The following RALYL variants were observed in gnomAD, a reference collection of about 807,000 sequenced individuals.
The protein encoded by RALYL is RALY RNA binding protein like, also known as RNA-binding Raly-like protein.
A neutral mutation model predicts 35.1 loss-of-function variants in RALYL; 29 were observed. The observed-to-expected ratio is 0.83, with a 90% CI of 0.61 to 1.13. The LOEUF (loss-of-function observed/expected upper bound fraction) is 1.13, where lower values mean the gene tolerates loss of function less well. Among genes scored for constraint, RALYL ranks in the 50% most tolerant of loss-of-function variants. The probability of loss-of-function intolerance (pLI) is 0.00; values close to 1 mark genes in which losing one functional copy is unlikely to be tolerated. For missense variants in RALYL, 359 were observed against 360.4 expected (o/e 1.00, Z 0.03); for synonymous variants, 120 against 127.6 (o/e 0.94, Z 0.40).
At chr8:84,817,624 C>A (rs572822699) in intron 4 of RALYL, among the ~76,000 whole-genome samples, 1 of 151,932 alleles carries the variant, frequency 6.6e-6, no homozygotes, top group East Asian at 1.9e-4. Context: ...GGTGCAATCA[C>A]AGTCACTGCA....
In RALYL at chr8:84,854,388, G is replaced by T. The variant is rs539429942; in HGVS notation, c.413+4361G>T. Among the ~76,000 whole-genome samples, 583 of 152,024 alleles carry T rather than the reference G, an allele frequency of 3.8e-3. 2 individuals carry two copies. Among genetic ancestry groups the T allele is most frequent in the Middle Eastern group, 6.8e-3 (2 of 294 alleles). On this transcript the variant is annotated intron_variant, in intron 5 of 8. Coordinates refer to ENST00000521268, the MANE Select transcript of RALYL (RefSeq NM_173848.7). ...AGGAAGAAAAAGAAAAAAAAATAAT[G>T]GTAGATGTATTTCTCATATTGACAT... is the stretch of plus-strand genomic sequence containing the variant.
intron 6 of RALYL, among the ~76,000 whole-genome samples, chr8:84,871,217 A>C (rs914213992): frequency 6.6e-6 from 1 of 152,202 alleles, no homozygotes; most frequent in Non-Finnish European, 1.5e-5. Flanking sequence ...GACTTAAATG[A>C]AACCTTGGCT....
In RALYL at chr8:84,257,472, C is replaced by T. The variant is rs553577606; in HGVS notation, c.-24+73048C>T. Among the ~76,000 whole-genome samples the T allele has an allele frequency of 1.6e-4, 24 of 152,146 alleles. No homozygotes were observed. In the South Asian group the frequency reaches 4.8e-3, roughly 30 times the overall value. On this transcript the variant is annotated intron_variant, in intron 1 of 8. Transcript: ENST00000521268. ...AAGACACTTTGACAAAATGAAGACC[C>T]ACTTAATTACTTAATGGGACTGCAA... is the stretch of plus-strand genomic sequence containing the variant.
At chr8:84,579,839 A>G (rs1810421333) in intron 2 of RALYL, among the ~76,000 whole-genome samples, 1 of 152,246 alleles carries the variant, frequency 6.6e-6, no homozygotes, top group Non-Finnish European at 1.5e-5. Flanking sequence ...GTGCTGTCAC[A>G]TAGATAAACA....
intron 1 of RALYL, among the ~76,000 whole-genome samples, chr8:84,425,151 C>A (rs554816726): frequency 3.9e-5 from 6 of 152,164 alleles, no homozygotes; most frequent in Admixed American, 1.3e-4. Flanking sequence ...CCCCCAGCCT[C>A]GCTGCTACCT....
intron 1 of RALYL, among the ~76,000 whole-genome samples, chr8:84,269,862 G>A (rs1833976911): frequency 6.6e-6 from 1 of 151,972 alleles, no homozygotes; most frequent in Non-Finnish European, 1.5e-5. Context: ...TAGAAGTTTA[G>A]TTGAAACTCA....
chr8:84,284,795 A>G (rs1837285875), intron 1 of RALYL, among the ~76,000 whole-genome samples: 1 of 152,232 alleles, frequency 6.6e-6, no homozygotes, highest in Non-Finnish European at 1.5e-5. Flanking sequence ...GGTTAGGGCC[A>G]AGCTCTTTCT....
rs564899284 is a variant in RALYL at position 84,830,837 on chromosome 8, AAG to A, written c.366-19142_366-19141del. Among the ~76,000 whole-genome samples, 329 of 152,258 alleles carry A rather than the reference AAG, an allele frequency of 2.2e-3. 1 individual carries two copies. Among genetic ancestry groups the A allele is most frequent in the Non-Finnish European group, 1.6e-3 (111 of 68,006 alleles). On this transcript the variant is annotated intron_variant, in intron 4 of 8. Transcript: ENST00000521268. ...AAAATGTTTTCTTAATAATATTCAG[AAG>A]GAAAGTACCTCTAAGAAACATTTAT... is the stretch of plus-strand genomic sequence containing the variant.
intron 1 of RALYL, among the ~76,000 whole-genome samples, chr8:84,358,858 A>G (rs1277301855): frequency 6.6e-6 from 1 of 152,038 alleles, no homozygotes; most frequent in East Asian, 1.9e-4. Flanking sequence ...TATAAGAACT[A>G]TATGTGAGGT....
chr8:84,422,121 T>C (rs1053007421), intron 1 of RALYL, among the ~76,000 whole-genome samples: 1 of 148,026 alleles, frequency 6.8e-6, no homozygotes, highest in African/African-American at 2.5e-5. Context: ...TCAGAAGGAA[T>C]GGTACCAGTT....
intron 1 of RALYL, among the ~76,000 whole-genome samples, chr8:84,211,383 G>A (rs1819455316): frequency 6.6e-6 from 1 of 152,020 alleles, no homozygotes; most frequent in South Asian, 2.1e-4. Flanking sequence ...CTTGGACTGG[G>A]GCCTAGAATG....
At chr8:84,575,701 C>A (rs1336085303) in intron 2 of RALYL, among the ~76,000 whole-genome samples, 1 of 152,128 alleles carries the variant, frequency 6.6e-6, no homozygotes, top group South Asian at 2.1e-4. Flanking sequence ...GGGATTTTAT[C>A]TCATTGGCAT....
chr8:84,223,538 G>C (rs755422417), intron 1 of RALYL, among the ~76,000 whole-genome samples: 9 of 152,156 alleles, frequency 5.9e-5, no homozygotes, highest in Non-Finnish European at 1.3e-4. Flanking sequence ...ATGCCAAATA[G>C]CAGGGTGTTG....
At chr8:84,670,702 T>C (rs1447448456) in intron 2 of RALYL, among the ~76,000 whole-genome samples, 1 of 152,116 alleles carries the variant, frequency 6.6e-6, no homozygotes, top group Non-Finnish European at 1.5e-5. Context: ...ATCACTATCA[T>C]GAGAACAGCA....
intron 1 of RALYL, among the ~76,000 whole-genome samples, chr8:84,191,630 T>C (rs925889172): frequency 1.3e-5 from 2 of 152,182 alleles, no homozygotes; most frequent in African/African-American, 4.8e-5. Flanking sequence ...GGCTGTATCA[T>C]TGTAAACAAG....
At chr8:84,542,515 T>TG (rs5892924) in intron 2 of RALYL, among the ~76,000 whole-genome samples, 1 of 151,806 alleles carries the variant, frequency 6.6e-6, no homozygotes. Context: ...AATTGAATCA[T>TG]GGGGGGCAGT....
rs534805232 is a variant in RALYL, at chr8:84,720,777, TCAAA to T, written c.257-53798_257-53795del. ...TTCATATCCAAATTATATGTAGAAC[TCAAA>T]CAACTCAATAGCAAAAAAAAACAAT... On this transcript the variant is annotated intron_variant, in intron 2 of 8. Coordinates refer to ENST00000521268, the MANE Select transcript of RALYL (RefSeq NM_173848.7). Among the ~76,000 whole-genome samples the T allele has an allele frequency of 2.0e-4, 31 of 151,558 alleles. No homozygotes were observed. The East Asian group carries it at 5.4e-3, about 27-fold the overall frequency.
intron 1 of RALYL, among the ~76,000 whole-genome samples, chr8:84,442,775 A>ACAAAAGAACTCACGTGTCATG (rs1363267139): frequency 6.6e-6 from 1 of 152,274 alleles, no homozygotes; most frequent in Non-Finnish European, 1.5e-5. Flanking sequence ...AAAACAGGCC[A>ACAAAAGAACTCACGTGTCATG]CAAAAGAACT....
chr8:84,527,955 T>C (rs2059019256), intron 1 of RALYL, among the ~76,000 whole-genome samples: 1 of 152,170 alleles, frequency 6.6e-6, no homozygotes, highest in African/African-American at 2.4e-5. Context: ...AACAACTTAA[T>C]TTGAAACATT....
Sources: allele counts gnomAD v4.1 joint callset (sites outside exome capture counted in the v4.1 genomes callset), GRCh38; gene constraint gnomAD v4.1.1; transcripts MANE v1.5; gene names NCBI Gene and HGNC (gene_info 2026-07-23, HGNC 2026-07-21).